Variants in FTCDNL1 observed in about 807,000 individuals in gnomAD.
The protein encoded by FTCDNL1 is formiminotransferase cyclodeaminase N-terminal like.
Under a neutral mutation model 5.9 loss-of-function variants are expected in FTCDNL1, and 11 were observed. The observed-to-expected ratio is 1.87, with a 90% CI of 1.18 to 3.10. The LOEUF (loss-of-function observed/expected upper bound fraction) is 3.10. Among genes scored for constraint, FTCDNL1 ranks in the 30% most tolerant of loss-of-function variants. The probability of loss-of-function intolerance (pLI) is 0.00; values close to 1 mark genes in which losing one functional copy is unlikely to be tolerated. For missense variants in FTCDNL1, 115 were observed against 65.5 expected (o/e 1.76, Z -2.61); for synonymous variants, 58 against 24.8 (o/e 2.34, Z -3.99).
the FTCDNL1 span, among the ~76,000 whole-genome samples, chr2:199,663,837 C>T: frequency 6.6e-6 from 1 of 152,140 alleles, no homozygotes. Flanking sequence ...CCATATTCTG[C>T]ATCTTCAAAG....
intron 3 of FTCDNL1, among the ~76,000 whole-genome samples, chr2:199,836,722 T>C (rs373655282): frequency 2.8e-4 from 42 of 152,112 alleles, no homozygotes; most frequent in African/African-American, 9.9e-4. Context: ...GCCACAATCA[T>C]GCCACTGCAC....
At chr2:199,689,059 G>C in the FTCDNL1 span, among the ~76,000 whole-genome samples, 168 of 152,246 alleles carry the variant, frequency 1.1e-3, no homozygotes, top group Admixed American at 9.1e-4. Context: ...AAAACATATG[G>C]AAATAATATA....
the FTCDNL1 span, among the ~76,000 whole-genome samples, chr2:199,747,332 C>T: frequency 5.9e-5 from 9 of 152,050 alleles, no homozygotes; most frequent in Non-Finnish European, 8.8e-5. Flanking sequence ...CATGGATATA[C>T]GTCTATTGCA....
At chr2:199,673,778 T>A in the FTCDNL1 span, among the ~76,000 whole-genome samples, 4 of 152,188 alleles carry the variant, frequency 2.6e-5, no homozygotes, top group African/African-American at 9.6e-5. Context: ...TTTGATTATG[T>A]CTAATTTAAA....
chr2:199,671,419 G>A, the FTCDNL1 span, among the ~76,000 whole-genome samples: 5 of 151,746 alleles, frequency 3.3e-5, no homozygotes, highest in Non-Finnish European at 7.4e-5. Flanking sequence ...TCCAGGCAGA[G>A]GGAACCACAT....
In FTCDNL1 at chr2:199,848,855, G is replaced by T; in HGVS notation, c.108C>A (p.Asp36Glu). 1.4e-6 allele frequency: 1 copy of T among 699,078 alleles called. No individual in the cohort carries two copies. Among genetic ancestry groups the T allele is most frequent in the Non-Finnish European group, 2.6e-6 (1 of 383,982 alleles). The allele number at this position is 699,078 out of a possible 1,614,324, so 43.3% of individuals were successfully genotyped here. ...ATTGTCTGTTTTTCCTACCATTTTT[G>T]TCAAGAAGAGCTGCTTTTGCTATGT... is the stretch of plus-strand genomic sequence containing the variant. The part of the protein sequence containing the change: ...VENIAKAALL[D>E]KNGKKHPQVS... Residue 36 changes from aspartate to glutamate, a missense_variant, in exon 2 of 5, where the codon GAC (aspartate) becomes GAA (glutamate). Physicochemically the swap from Asp to Glu is conservative, Grantham distance 45. Transcript: ENST00000420128.
At chr2:199,730,980 T>G in the FTCDNL1 span, among the ~76,000 whole-genome samples, 1 of 152,210 alleles carries the variant, frequency 6.6e-6, no homozygotes, top group Non-Finnish European at 1.5e-5. Context: ...AAAGAAAATG[T>G]GGCACATATA....
chr2:199,803,464 TG>T (rs1700569963), intron 3 of FTCDNL1, among the ~76,000 whole-genome samples: 1 of 151,552 alleles, frequency 6.6e-6, no homozygotes, highest in South Asian at 2.1e-4. Context: ...TGTTTTGGTT[TG>T]GTTTGGTTTG....
At chr2:199,705,327 G>C in the FTCDNL1 span, among the ~76,000 whole-genome samples, 2 of 152,138 alleles carry the variant, frequency 1.3e-5, no homozygotes, top group African/African-American at 2.4e-5. Flanking sequence ...GTTATGTTCA[G>C]TTTCAGATAG....
chr2:199,755,421 G>A, the FTCDNL1 span, among the ~76,000 whole-genome samples: 2 of 152,218 alleles, frequency 1.3e-5, no homozygotes, highest in Non-Finnish European at 2.9e-5. Context: ...GAATGGCAAG[G>A]TGAGGGAAGG....
the FTCDNL1 span, among the ~76,000 whole-genome samples, chr2:199,729,116 T>A: frequency 6.6e-6 from 1 of 152,232 alleles, no homozygotes; most frequent in Non-Finnish European, 1.5e-5. Flanking sequence ...GATGACGGAA[T>A]ACATGACATT....
chr2:199,844,206 T>C (rs1248225315), intron 3 of FTCDNL1, among the ~76,000 whole-genome samples: 2 of 152,060 alleles, frequency 1.3e-5, no homozygotes. Flanking sequence ...TTCCATAATG[T>C]CATGGGGTAG....
chr2:199,740,763 G>A, the FTCDNL1 span, among the ~76,000 whole-genome samples: 5 of 152,172 alleles, frequency 3.3e-5, no homozygotes, highest in East Asian at 3.8e-4. Flanking sequence ...GTCTGGAAAC[G>A]CAACTCACAT....
the FTCDNL1 span, among the ~76,000 whole-genome samples, chr2:199,738,938 C>T: frequency 6.6e-6 from 1 of 152,168 alleles, no homozygotes; most frequent in Non-Finnish European, 1.5e-5. Flanking sequence ...ACACCATTCT[C>T]ATGTATTTCA....
the FTCDNL1 span, among the ~76,000 whole-genome samples, chr2:199,745,921 A>G: frequency 6.6e-6 from 1 of 152,216 alleles, no homozygotes; most frequent in Non-Finnish European, 1.5e-5. Context: ...CTGGGTTCAA[A>G]GCATTGCTTT....
downstream of FTCDNL1, among the ~76,000 whole-genome samples, chr2:199,808,571 T>C (rs374136803): frequency 1.8e-4 from 27 of 152,306 alleles, no homozygotes; most frequent in South Asian, 1.9e-3. Flanking sequence ...TGGTTTTAAA[T>C]AGGCCTTGCT....
the FTCDNL1 span, among the ~76,000 whole-genome samples, chr2:199,705,737 T>A: frequency 2.0e-5 from 3 of 151,552 alleles, no homozygotes; most frequent in Non-Finnish European, 4.4e-5. Flanking sequence ...TTGAGCAAGT[T>A]TCATTCTGTG....
chr2:199,716,583 C>T, the FTCDNL1 span, among the ~76,000 whole-genome samples: 344 of 152,048 alleles, frequency 2.3e-3, 1 homozygote, highest in African/African-American at 7.9e-3. Flanking sequence ...ATTCTGTTAC[C>T]CTGCCCCACT....
At chr2:199,699,606 T>C in the FTCDNL1 span, among the ~76,000 whole-genome samples, 2 of 151,982 alleles carry the variant, frequency 1.3e-5, no homozygotes, top group African/African-American at 4.8e-5. Context: ...ACAAAGAAAA[T>C]TTCAGGCCAA....
Sources: allele counts gnomAD v4.1 joint callset (sites outside exome capture counted in the v4.1 genomes callset), GRCh38; gene constraint gnomAD v4.1.1; transcripts MANE v1.5; gene names NCBI Gene and HGNC (gene_info 2026-07-23, HGNC 2026-07-21).